The following RGS4 variants were observed in gnomAD, a reference collection of about 807,000 sequenced individuals.
The protein encoded by RGS4 is regulator of G protein signaling 4, also known as schizophrenia disorder 9.
A neutral mutation model predicts 21.6 loss-of-function variants in RGS4; 15 were observed. That is an observed-to-expected ratio of 0.69 (90% CI 0.46 to 1.07). The LOEUF (loss-of-function observed/expected upper bound fraction) is 1.07, where lower values mean the gene tolerates loss of function less well. RGS4 is among the 50% of genes least tolerant of loss of function. The pLI is 0.00. For synonymous variants in RGS4, 94 were observed against 85.5 expected (o/e 1.10, Z -0.55); for missense variants, 237 against 239.0 (o/e 0.99, Z 0.06).
Position 163,072,382 on chromosome 1 carries a change from C to T in RGS4, c.45-13C>T, listed in dbSNP as rs776879544. 11 of 1,585,086 alleles carry T rather than the reference C, an allele frequency of 6.9e-6. No homozygotes were observed. In the East Asian group the frequency reaches 2.3e-4, roughly 32 times the overall value. On this transcript the variant is annotated splice_polypyrimidine_tract_variant and intron_variant, in intron 1 of 4. Coordinates refer to ENST00000367909, the MANE Select transcript of RGS4 (RefSeq NM_005613.6). Reference sequence around the variant, plus strand: ...GTTATTACTATTTATTCATTTTTTTCTCTTCTGTGCAGTGCAAAAGATATG... The same window carrying T: ...GTTATTACTATTTATTCATTTTTTTTTCTTCTGTGCAGTGCAAAAGATATG...
rs2102345291 is a variant in RGS4, at chr1:163,074,354, A to T, written c.412A>T (p.Ser138Cys). 6.2e-7 allele frequency: 1 copy of T among 1,613,878 alleles called. No individual in the cohort carries two copies. Among genetic ancestry groups the T allele is most frequent in the East Asian group, 2.2e-5 (1 of 44,876 alleles). The change falls in exon 5 of 5, where the codon AGC (serine) becomes TGC (cysteine). Residue 138 changes from serine (S) to cysteine (C), a missense_variant. Coordinates refer to ENST00000367909, the MANE Select transcript of RGS4 (RefSeq NM_005613.6). Reference protein sequence around the residue: ...NLDSCTREETSRNMLEPTITC... With the variant: ...NLDSCTREETCRNMLEPTITC... ...GGATTCTTGCACCAGGGAAGAGACAAGCCGGAACATGCTAGAGCCTACAAT... is the reference window on the plus strand; with the variant it reads ...GGATTCTTGCACCAGGGAAGAGACATGCCGGAACATGCTAGAGCCTACAAT...
At position 163,075,854 on chromosome 1, in the gene RGS4, T is replaced by C. The variant is rs1205731941; in HGVS notation, c.*1294T>C. On this transcript the variant is annotated 3_prime_UTR_variant, in exon 5 of 5. Transcript: ENST00000367909. ...ATTTGAAAAGCCCACATAAGTTTTC[T>C]CTTTTAAGGTAGAATCTTGTTAATT... 4.6e-5 allele frequency: 7 copies of C among 152,576 alleles called. No individual in the cohort carries two copies. The highest frequency in any genetic ancestry group is 1.3e-4 in the Admixed American group (2 of 15,260). 9.5% of individuals were successfully genotyped at this position (152,576 alleles called of 1,614,324 possible).
Position 163,072,426 on chromosome 1 carries a change from C to T in RGS4, c.76C>T (p.Leu26=). The change falls in exon 2 of 5, where the codon CTG becomes TTG. Residue 26 remains leucine (L), a synonymous_variant. Coordinates refer to ENST00000367909, the MANE Select transcript of RGS4 (RefSeq NM_005613.6). Reference sequence around the variant, plus strand: ...AGATATGAAACATCGGCTAGGTTTCCTGCTGCAAAAATCTGATTCCTGTGA... The same window carrying T: ...AGATATGAAACATCGGCTAGGTTTCTTGCTGCAAAAATCTGATTCCTGTGA... The part of the protein sequence containing the change: ...AKDMKHRLGF[L]LQKSDSCEHN... 6.2e-7 allele frequency: 1 copy of T among 1,613,148 alleles called. No homozygotes were observed. Among genetic ancestry groups the T allele is most frequent in the African/African-American group, 1.3e-5 (1 of 74,984 alleles).
rs922358754 is a variant in RGS4, at chr1:163,074,367, T to C, written c.425T>C (p.Leu142Pro). The C allele has an allele frequency of 1.2e-6, 2 of 1,613,780 alleles. No individual in the cohort carries two copies. The stretch of plus-strand genomic sequence containing the variant: ...AGGGAAGAGACAAGCCGGAACATGC[T>C]AGAGCCTACAATAACCTGCTTTGAT... ...CTREETSRNMLEPTITCFDEA... is the reference protein window; with the variant it reads ...CTREETSRNMPEPTITCFDEA... The change falls in exon 5 of 5, where the codon CTA (leucine) becomes CCA (proline). Residue 142 changes from leucine (L) to proline (P), a missense_variant. Leu to Pro is a moderately conservative substitution (Grantham distance 98). Transcript: ENST00000367909.
At chr1:163,073,332 A>G in intron 3 of RGS4, 124 bp from the exon 4 acceptor site, 1 of 765,720 alleles carries the variant, frequency 1.3e-6, no homozygotes, top group Non-Finnish European at 2.0e-6. Flanking sequence ...TGAAAAAAGC[A>G]GGGGAAAAAG....
At chr1:163,073,731 A>T (rs2102344724) in intron 4 of RGS4, 109 bp downstream of exon 4, 1 of 651,646 alleles carries the variant, frequency 1.5e-6, no homozygotes, top group South Asian at 2.4e-5. Context: ...ATTGCTATAT[A>T]CATATCTCAA....
rs1655472280 is a variant in RGS4, at chr1:163,075,721, T to C, written c.*1161T>C. The C allele has an allele frequency of 6.6e-6, 1 of 152,190 alleles. No individual in the cohort carries two copies. The highest frequency in any genetic ancestry group is 1.5e-5 in the Non-Finnish European group (1 of 68,030). 9.4% of individuals were successfully genotyped at this position (152,190 alleles called of 1,614,324 possible). A position where few individuals can be genotyped will look rare whatever the true frequency, so the allele number is the denominator to read the frequency against. On this transcript the variant is annotated 3_prime_UTR_variant, in exon 5 of 5. Transcript: ENST00000367909. ...CCATCAGATGAGGCTCCTTAGTTTA[T>C]TGTGGTTGGTTGTTTTTTCTTTATA...
chr1:163,073,807 A>G, intron 4 of RGS4, 185 bp downstream of exon 4: 2 of 527,474 alleles, frequency 3.8e-6, no homozygotes, highest in East Asian at 3.1e-5. Context: ...TAAAATATAC[A>G]ATAAACTATT....
chr1:163,069,535 T>C lies in RGS4; in HGVS notation c.44+7T>C, dbSNP rs759318283. 3 of 1,610,568 alleles carry C rather than the reference T, an allele frequency of 1.9e-6. No individual in the cohort carries two copies. Among genetic ancestry groups the C allele is most frequent in the Admixed American group, 3.3e-5 (2 of 59,800 alleles). ...CGGCTTCTTGCTTGAGGAGGTAAGA[T>C]TGCTTTCAGCCATTAACCATATTAA... On this transcript the variant is annotated splice_region_variant and intron_variant, in intron 1 of 4. Transcript: ENST00000367909.
chr1:163,072,177 G>A, intron 1 of RGS4: 1 of 1,071,902 alleles, frequency 9.3e-7, no homozygotes, highest in Non-Finnish European at 1.2e-6. Flanking sequence ...AGTTGTGGAT[G>A]AAGGAAATGG....
chr1:163,072,469 A>G lies in RGS4; in HGVS notation c.119A>G (p.Asn40Ser). 6.2e-7 allele frequency: 1 copy of G among 1,613,014 alleles called. No individual in the cohort carries two copies. Among genetic ancestry groups the G allele is most frequent in the Non-Finnish European group, 8.5e-7 (1 of 1,179,270 alleles). Reference sequence around the variant, plus strand: ...TCCTGTGAACACAATTCTTCCCACAACAAGAAGGACAAAGTGGTTATTTGC... The same window carrying G: ...TCCTGTGAACACAATTCTTCCCACAGCAAGAAGGACAAAGTGGTTATTTGC... ...SDSCEHNSSH[N>S]KKDKVVICQR... Residue 40 changes from asparagine to serine, a missense_variant, in exon 2 of 5, where the codon AAC (asparagine) becomes AGC (serine). Transcript: ENST00000367909.
In RGS4 at chr1:163,076,418, T is replaced by C. The variant is rs1296892955; in HGVS notation, c.*1858T>C. 6.6e-6 allele frequency: 1 copy of C among 152,614 alleles called. No individual in the cohort carries two copies. 9.5% of individuals were successfully genotyped at this position (152,614 alleles called of 1,614,324 possible). On this transcript the variant is annotated 3_prime_UTR_variant, in exon 5 of 5. Coordinates refer to ENST00000367909, the MANE Select transcript of RGS4 (RefSeq NM_005613.6). ...GGAGTTCCTCATCAGTGTCATTTTC[T>C]GTTATACACAGTTCCACAATTTTGT...
chr1:163,071,903 T>A (rs1439892032), intron 1 of RGS4: 1 of 770,806 alleles, frequency 1.3e-6, no homozygotes, highest in Admixed American at 1.2e-4. Context: ...GAATAGACTT[T>A]TACTTTCCCG....
chr1:163,072,025 A>AT, intron 1 of RGS4: 1 of 994,934 alleles, frequency 1.0e-6, no homozygotes, highest in South Asian at 4.6e-5. Flanking sequence ...CTGCTTTCTG[A>AT]TTCCTAAAAA....
intron 4 of RGS4, 82 bp from the exon 5 acceptor site, chr1:163,074,239 C>A: frequency 6.4e-7 from 1 of 1,572,398 alleles, no homozygotes; most frequent in South Asian, 1.2e-5. Flanking sequence ...TGCACTGCCA[C>A]TTACAAGTCA....
chr1:163,073,059 G>T (rs1380665672), intron 3 of RGS4, among the ~76,000 whole-genome samples, 193 bp downstream of exon 3: 2 of 152,124 alleles, frequency 1.3e-5, no homozygotes, highest in South Asian at 4.1e-4. Flanking sequence ...AAAAGTTTAT[G>T]CAGGAACCAT....
rs1424315438 is a variant in RGS4 at position 163,072,440 on chromosome 1, T to C, written c.90T>C (p.Ser30=). The change falls in exon 2 of 5, where the codon TCT becomes TCC. Residue 30 remains serine (S), a synonymous_variant. Transcript: ENST00000367909. ...GGCTAGGTTTCCTGCTGCAAAAATC[T>C]GATTCCTGTGAACACAATTCTTCCC... ...KHRLGFLLQK[S]DSCEHNSSHN... 6.2e-7 allele frequency: 1 copy of C among 1,613,322 alleles called. No individual in the cohort carries two copies.
Position 163,074,572 on chromosome 1 carries a change from A to T in RGS4, c.*12A>T, listed in dbSNP as rs1251370597. 4 of 1,613,790 alleles carry T rather than the reference A, an allele frequency of 2.5e-6. No homozygotes were observed. The African/African-American group carries it at 4.0e-5, about 16-fold the overall frequency. ...CTCAGTGTGCCTAATTCTCACCTGAAGGCAGAGGGATGAAATGCCAAGACT... is the reference window on the plus strand; with the variant it reads ...CTCAGTGTGCCTAATTCTCACCTGATGGCAGAGGGATGAAATGCCAAGACT... On this transcript the variant is annotated 3_prime_UTR_variant, in exon 5 of 5. Transcript: ENST00000367909.
At chr1:163,072,991 T>G in intron 3 of RGS4, 125 bp downstream of exon 3, 1 of 735,042 alleles carries the variant, frequency 1.4e-6, no homozygotes, top group Non-Finnish European at 2.2e-6. Flanking sequence ...ACTCTTTAGG[T>G]CTTAAATTCA....
Sources: allele counts gnomAD v4.1 joint callset (sites outside exome capture counted in the v4.1 genomes callset), GRCh38; gene constraint gnomAD v4.1.1; transcripts MANE v1.5; gene names NCBI Gene and HGNC (gene_info 2026-07-23, HGNC 2026-07-21).